Variants in PEMT observed in about 807,000 individuals in gnomAD.
PEMT encodes phospholipid methyltransferase.
Under a neutral mutation model 27.4 loss-of-function variants are expected in PEMT, and 23 were observed. That is an observed-to-expected ratio of 0.84 (90% CI 0.60 to 1.19). The LOEUF is 1.19. Ranked by LOEUF, PEMT falls within the 50% of genes most tolerant of loss-of-function variation. The pLI, the probability that PEMT is intolerant of heterozygous loss-of-function variation, is 0.00. For synonymous variants in PEMT, 137 were observed against 139.1 expected (o/e 0.98, Z 0.11); for missense variants, 307 against 310.1 (o/e 0.99, Z 0.07).
intron 2 of PEMT, among the ~76,000 whole-genome samples, chr17:17,538,898 G>A (rs567216570): frequency 2.0e-5 from 3 of 152,348 alleles, no homozygotes; most frequent in South Asian, 2.1e-4. Context: ...TACACAGGCC[G>A]ATAAGCAGCT....
At chr17:17,562,996 C>T (rs1910596629) in intron 2 of PEMT, among the ~76,000 whole-genome samples, 1 of 152,156 alleles carries the variant, frequency 6.6e-6, no homozygotes, top group Non-Finnish European at 1.5e-5. Context: ...CCATGCCTCT[C>T]AATTCAAAGG....
chr17:17,562,242 C>T (rs1910535858), intron 2 of PEMT, among the ~76,000 whole-genome samples: 1 of 152,260 alleles, frequency 6.6e-6, no homozygotes, highest in Non-Finnish European at 1.5e-5. Flanking sequence ...TTCTGTAACA[C>T]CAGTGCTGCC....
At chr17:17,565,732 C>T (rs111235959) in intron 2 of PEMT, among the ~76,000 whole-genome samples, 2,112 of 152,370 alleles carry the variant, frequency 0.014, 46 homozygotes, top group African/African-American at 0.049. Context: ...AGGCTGACTC[C>T]GCACTTCTGG....
At chr17:17,535,198 C>T (rs111356727) in intron 2 of PEMT, among the ~76,000 whole-genome samples, 2,368 of 152,148 alleles carry the variant, frequency 0.016, 60 homozygotes, top group African/African-American at 0.052. Context: ...GCTGAACCAC[C>T]ACGTCTGGCC....
rs532031090 is a variant in PEMT at position 17,582,696 on chromosome 17, G to A, written c.97-5669C>T. Reference sequence around the variant, plus strand: ...GCTGACTCGGGTAACGTTTATTTAGGGCAACTTTGGGTTAGAGCCCTGTGC... The same window carrying A: ...GCTGACTCGGGTAACGTTTATTTAGAGCAACTTTGGGTTAGAGCCCTGTGC... On this transcript the variant is annotated intron_variant, in intron 1 of 6. Transcript: ENST00000255389. This position sits in a 1 kb window ranked among gnomAD's most constrained non-coding sequence, Gnocchi z 4.9. Among the ~76,000 whole-genome samples, 1 of 152,310 alleles carries A rather than the reference G, an allele frequency of 6.6e-6. No homozygotes were observed. Among genetic ancestry groups the A allele is most frequent in the East Asian group, 1.9e-4 (1 of 5,172 alleles).
chr17:17,591,469 A>T, intron 1 of PEMT, 62 bp downstream of exon 1: 2 of 1,342,630 alleles, frequency 1.5e-6, no homozygotes, highest in Non-Finnish European at 1.0e-6. Flanking sequence ...GCAAGCCTTC[A>T]CGCCCCTCGG....
intron 2 of PEMT, among the ~76,000 whole-genome samples, chr17:17,522,780 A>G (rs1472213742): frequency 2.0e-5 from 3 of 152,144 alleles, no homozygotes; most frequent in African/African-American, 7.2e-5. Flanking sequence ...ACAGACTCTA[A>G]AAGGGCCCCA....
intron 2 of PEMT, among the ~76,000 whole-genome samples, chr17:17,533,508 C>T (rs1272523688): frequency 6.6e-6 from 1 of 152,192 alleles, no homozygotes; most frequent in African/African-American, 2.4e-5. Flanking sequence ...GACTTTTATA[C>T]TTCAAATGAT....
At chr17:17,526,387 G>A (rs759847259) in intron 2 of PEMT, among the ~76,000 whole-genome samples, 5 of 152,170 alleles carry the variant, frequency 3.3e-5, no homozygotes, top group Non-Finnish European at 5.9e-5. Flanking sequence ...TCAGCTGCCC[G>A]CTACCTAAAC....
At chr17:17,519,688 C>A (rs1033558392) in intron 3 of PEMT, among the ~76,000 whole-genome samples, 1 of 152,198 alleles carries the variant, frequency 6.6e-6, no homozygotes. Context: ...CGGGGGCAGA[C>A]CTCCAGGGTC....
intron 1 of PEMT, among the ~76,000 whole-genome samples, chr17:17,586,602 A>G (rs1912328805): frequency 6.6e-6 from 1 of 152,238 alleles, no homozygotes; most frequent in African/African-American, 2.4e-5. Context: ...CTGAATGAAA[A>G]TGAGAATAGA....
At position 17,523,113 on chromosome 17, in the gene PEMT, G is replaced by C. The variant is rs765857753; in HGVS notation, c.205-718C>G. On this transcript the variant is annotated intron_variant, in intron 2 of 6. Transcript: ENST00000255389. This position sits in a 1 kb window ranked among gnomAD's most constrained non-coding sequence, Gnocchi z 4.8. ...CACAGTCCTGAGCTGGTTATCGCCCGGGCCTGGCCCAGCACACTGAGGAAG... is the reference window on the plus strand; with the variant it reads ...CACAGTCCTGAGCTGGTTATCGCCCCGGCCTGGCCCAGCACACTGAGGAAG... Among the ~76,000 whole-genome samples the C allele has an allele frequency of 1.4e-4, 22 of 152,124 alleles. No individual in the cohort carries two copies. Among genetic ancestry groups the C allele is most frequent in the Non-Finnish European group, 2.2e-4 (15 of 68,030 alleles).
At chr17:17,583,262 G>C (rs542802249) in intron 1 of PEMT, among the ~76,000 whole-genome samples, 18 of 151,982 alleles carry the variant, frequency 1.2e-4, no homozygotes, top group Non-Finnish European at 2.5e-4. Flanking sequence ...TGTAATCCCA[G>C]CTACTGGAGA....
At chr17:17,517,420 A>G (rs1906923638) in intron 3 of PEMT, among the ~76,000 whole-genome samples, 1 of 151,814 alleles carries the variant, frequency 6.6e-6, no homozygotes, top group Non-Finnish European at 1.5e-5. Flanking sequence ...CCAGCCCTCC[A>G]TTGCTCCATC....
intron 2 of PEMT, among the ~76,000 whole-genome samples, chr17:17,533,358 T>A (rs1908238520): frequency 6.6e-6 from 1 of 152,240 alleles, no homozygotes; most frequent in South Asian, 2.1e-4. Context: ...GACCTAAATG[T>A]AAGAGCTAAA....
chr17:17,570,362 G>T, intron 2 of PEMT: 1 of 248,650 alleles, frequency 4.0e-6, no homozygotes, highest in South Asian at 1.5e-4. Context: ...AGAACGCCCA[G>T]GCAGCCATGG....
intron 2 of PEMT, among the ~76,000 whole-genome samples, chr17:17,548,788 G>T (rs1412245964): frequency 6.6e-6 from 1 of 152,104 alleles, no homozygotes; most frequent in East Asian, 1.9e-4. Context: ...CAGGTGATCC[G>T]CCCGCCTCGG....
At chr17:17,580,444 T>C (rs1223150410) in intron 1 of PEMT, among the ~76,000 whole-genome samples, 2 of 151,892 alleles carry the variant, frequency 1.3e-5, no homozygotes, top group African/African-American at 2.4e-5. Flanking sequence ...CCCACTGCAC[T>C]CCAGCCTGGG....
chr17:17,511,355 C>A (rs1458820133), intron 4 of PEMT, among the ~76,000 whole-genome samples: 3 of 152,250 alleles, frequency 2.0e-5, no homozygotes, highest in Non-Finnish European at 4.4e-5. Context: ...GGGTGCCCCC[C>A]ACAGTCCCAG....
Sources: allele counts gnomAD v4.1 joint callset (sites outside exome capture counted in the v4.1 genomes callset), GRCh38; gene constraint gnomAD v4.1.1; non-coding constraint Gnocchi (gnomAD v3.1); transcripts MANE v1.5; gene names NCBI Gene and HGNC (gene_info 2026-07-23, HGNC 2026-07-21).